TAS2R1: variants seen among roughly 807,000 people sequenced by gnomAD.
The protein encoded by TAS2R1 is taste 2 receptor member 1.
For synonymous variants in TAS2R1, 141 were observed against 134.2 expected (o/e 1.05, Z -0.35); for missense variants, 370 against 353.4 (o/e 1.05, Z -0.38).
the TAS2R1 span, among the ~76,000 whole-genome samples, chr5:9,807,023 A>C: frequency 6.6e-6 from 1 of 152,214 alleles, no homozygotes; most frequent in African/African-American, 2.4e-5. Context: ...TAACATCCAG[A>C]ATCTACAGAG....
the TAS2R1 span, among the ~76,000 whole-genome samples, chr5:9,873,621 C>T: frequency 6.6e-6 from 1 of 151,922 alleles, no homozygotes; most frequent in South Asian, 2.1e-4. Flanking sequence ...AATCCTAGCA[C>T]TTTGGGAGGC....
chr5:9,816,388 C>A, the TAS2R1 span, among the ~76,000 whole-genome samples: 1 of 151,476 alleles, frequency 6.6e-6, no homozygotes, highest in Non-Finnish European at 1.5e-5. Context: ...AGTGAAGATT[C>A]GAAGCATTCT....
chr5:9,637,391 G>C (rs1010824118), intron 2 of TAS2R1, among the ~76,000 whole-genome samples: 2 of 152,102 alleles, frequency 1.3e-5, no homozygotes, highest in Non-Finnish European at 2.9e-5. Context: ...TAGATAACTT[G>C]GTGACTATGT....
chr5:9,819,383 TGAA>T, the TAS2R1 span, among the ~76,000 whole-genome samples: 1 of 152,130 alleles, frequency 6.6e-6, no homozygotes, highest in African/African-American at 2.4e-5. Context: ...TTTTTTAAGG[TGAA>T]GGTTTCTGCA....
chr5:9,737,932 C>A, the TAS2R1 span, among the ~76,000 whole-genome samples: 1 of 152,158 alleles, frequency 6.6e-6, no homozygotes, highest in Non-Finnish European at 1.5e-5. Context: ...GTTGTTCTGT[C>A]TGCTGTGATG....
At chr5:9,648,822 A>G (rs1260115978) in intron 2 of TAS2R1, among the ~76,000 whole-genome samples, 1 of 152,126 alleles carries the variant, frequency 6.6e-6, no homozygotes, top group Admixed American at 6.5e-5. Flanking sequence ...GCAAGGCCAC[A>G]GGCTCATGAA....
At chr5:9,902,501 A>T in the TAS2R1 span, among the ~76,000 whole-genome samples, 1 of 152,078 alleles carries the variant, frequency 6.6e-6, no homozygotes, top group African/African-American at 2.4e-5. Flanking sequence ...AGGAGCTTGG[A>T]AGTCACCACT....
chr5:9,705,517 G>T (rs183229963), intron 1 of TAS2R1, among the ~76,000 whole-genome samples: 2 of 152,070 alleles, frequency 1.3e-5, no homozygotes, highest in Non-Finnish European at 2.9e-5. Flanking sequence ...TTTTAGAGTC[G>T]CCAACTTTGC....
intron 1 of TAS2R1, among the ~76,000 whole-genome samples, chr5:9,696,788 C>A (rs181640380): frequency 2.0e-5 from 3 of 151,862 alleles, no homozygotes; most frequent in South Asian, 4.2e-4. Flanking sequence ...CCTAGGCAGG[C>A]GGATCACCTG....
At chr5:9,680,280 G>A (rs568921170) in intron 1 of TAS2R1, among the ~76,000 whole-genome samples, 4 of 152,242 alleles carry the variant, frequency 2.6e-5, no homozygotes, top group East Asian at 1.9e-4. Context: ...TTTATAAATG[G>A]GGAGAAGAGA....
chr5:9,896,563 G>A, the TAS2R1 span, among the ~76,000 whole-genome samples: 3 of 152,122 alleles, frequency 2.0e-5, no homozygotes, highest in East Asian at 3.9e-4. Context: ...CTCCCTCAGG[G>A]TTCAGCCACT....
rs114090029 is a variant in TAS2R1, at chr5:9,692,959, G to C, written c.-242+19213C>G. 6.3e-3 allele frequency among the ~76,000 whole-genome samples: 960 copies of C among 152,072 alleles called. 10 individuals are homozygous for C. Among genetic ancestry groups the C allele is most frequent in the African/African-American group, 0.022 (910 of 41,464 alleles). On this transcript the variant is annotated intron_variant, in intron 1 of 2. Coordinates refer to the TAS2R1 transcript ENST00000506620. Reference sequence around the variant, plus strand: ...CTCATTTGGTTTATCTCTCTCTATGGAGTTTTCCTCTCTCTTTTCCTCCTG... The same window carrying C: ...CTCATTTGGTTTATCTCTCTCTATGCAGTTTTCCTCTCTCTTTTCCTCCTG...
chr5:9,699,061 T>C (rs910834373), intron 1 of TAS2R1, among the ~76,000 whole-genome samples: 1 of 152,214 alleles, frequency 6.6e-6, no homozygotes. Flanking sequence ...TCCTTAGTAC[T>C]TAACTGTAGG....
chr5:9,635,139 A>C (rs1292766650), upstream of TAS2R1, among the ~76,000 whole-genome samples: 5 of 152,104 alleles, frequency 3.3e-5, no homozygotes, highest in African/African-American at 1.2e-4. Flanking sequence ...AGTGTTGCTA[A>C]GGGTTTTAAT....
the TAS2R1 span, among the ~76,000 whole-genome samples, chr5:9,895,520 T>C: frequency 1.3e-5 from 2 of 152,220 alleles, no homozygotes; most frequent in Non-Finnish European, 2.9e-5. Context: ...TCAAAAAGCC[T>C]GCAGAGGCGA....
the TAS2R1 span, among the ~76,000 whole-genome samples, chr5:9,860,290 C>A: frequency 0.59 from 89,984 of 151,952 alleles, 26,715 homozygotes; most frequent in East Asian, 0.74. Flanking sequence ...GACACCAGCG[C>A]ATCACAATAC....
At chr5:9,669,949 G>T (rs1174664265) in intron 1 of TAS2R1, among the ~76,000 whole-genome samples, 1 of 151,928 alleles carries the variant, frequency 6.6e-6, no homozygotes, top group Non-Finnish European at 1.5e-5. Flanking sequence ...ACATATAAAA[G>T]ATCAAAGAAT....
At chr5:9,689,300 T>A (rs1741189026) in intron 1 of TAS2R1, among the ~76,000 whole-genome samples, 1 of 152,194 alleles carries the variant, frequency 6.6e-6, no homozygotes, top group South Asian at 2.1e-4. Flanking sequence ...CTCCCAAAAC[T>A]ATGAGGCAGT....
At chr5:9,631,695 C>T (rs1480452825), upstream of TAS2R1, among the ~76,000 whole-genome samples, 2 of 152,162 alleles carry the variant, frequency 1.3e-5, no homozygotes, top group Non-Finnish European at 2.9e-5. Flanking sequence ...ACGTGTGTTA[C>T]TTTGTCTAAA....
Sources: allele counts gnomAD v4.1 joint callset (sites outside exome capture counted in the v4.1 genomes callset), GRCh38; gene constraint gnomAD v4.1.1; transcripts MANE v1.5; gene names NCBI Gene and HGNC (gene_info 2026-07-23, HGNC 2026-07-21).